Variants in C4BPA observed in about 807,000 individuals in gnomAD.
C4BPA encodes the protein complement component 4 binding protein alpha, also known as C4b-binding protein alpha chain.
A neutral mutation model predicts 63.7 loss-of-function variants in C4BPA; 31 were observed. That is an observed-to-expected ratio of 0.49 (90% CI 0.37 to 0.66). C4BPA has a LOEUF of 0.66. C4BPA is among the 30% of genes least tolerant of loss of function. The pLI, the probability that C4BPA is intolerant of heterozygous loss-of-function variation, is 0.00. For synonymous variants in C4BPA, 259 were observed against 254.7 expected (o/e 1.02, Z -0.16); for missense variants, 572 against 723.3 (o/e 0.79, Z 2.40).
intron 8 of C4BPA, among the ~76,000 whole-genome samples, chr1:207,132,004 G>C (rs1334540513): frequency 6.6e-6 from 1 of 152,186 alleles, no homozygotes; most frequent in Non-Finnish European, 1.5e-5. Context: ...TTATGTATTA[G>C]TTTTCTTACT....
Position 207,114,125 on chromosome 1 carries a change from A to T in C4BPA, c.168A>T (p.Leu56Phe). 1 of 1,613,126 alleles carries T rather than the reference A, an allele frequency of 6.2e-7. No homozygotes were observed. The highest frequency in any genetic ancestry group is 8.5e-7 in the Non-Finnish European group (1 of 1,179,500). The change falls in exon 3 of 12, where the codon TTA (leucine) becomes TTT (phenylalanine). Residue 56 changes from leucine to phenylalanine, a missense_variant. Leu to Phe is a conservative substitution (Grantham distance 22, BLOSUM62 0). This residue lies in a region of C4BPA where 107 missense variants were observed against 93.9 expected (regional missense o/e 1.14). Coordinates refer to ENST00000367070, the MANE Select transcript of C4BPA (RefSeq NM_000715.4). Reference protein sequence around the residue: ...VLGNCGPPPTLSFAAPMDITL... With the variant: ...VLGNCGPPPTFSFAAPMDITL... ...GCAATTGTGGTCCTCCACCCACTTT[A>T]TCATTTGCTGCCCCGATGGATATTA...
Position 207,144,528 on chromosome 1 carries a change from C to G in C4BPA, c.1621-16C>G. On this transcript the variant is annotated splice_polypyrimidine_tract_variant and intron_variant, in intron 11 of 11. Coordinates refer to ENST00000367070, the MANE Select transcript of C4BPA (RefSeq NM_000715.4). ...AGAGAAGCTTCTCAATCACACCCAC[C>G]ACTTATATCTTTTAGGAGACCCCCG... The G allele has an allele frequency of 6.3e-7, 1 of 1,578,644 alleles. No individual in the cohort carries two copies. The highest frequency in any genetic ancestry group is 1.2e-5 in the South Asian group (1 of 86,246).
chr1:207,139,882 T>C (rs1009353790), intron 9 of C4BPA, among the ~76,000 whole-genome samples: 4 of 152,178 alleles, frequency 2.6e-5, no homozygotes, highest in Non-Finnish European at 4.4e-5. Flanking sequence ...TAGGTTTATA[T>C]ATTGGGCAAA....
intron 1 of C4BPA, among the ~76,000 whole-genome samples, chr1:207,105,279 C>T (rs2102324379): frequency 6.6e-6 from 1 of 152,176 alleles, no homozygotes; most frequent in African/African-American, 2.4e-5. Flanking sequence ...GAGATTTGGC[C>T]AGGTACGGTG....
At chr1:207,136,913 A>G (rs1685291263) in intron 9 of C4BPA, among the ~76,000 whole-genome samples, 1 of 152,084 alleles carries the variant, frequency 6.6e-6, no homozygotes, top group Non-Finnish European at 1.5e-5. Flanking sequence ...TGAATACTAA[A>G]CTTCCCAAAG....
Position 207,144,704 on chromosome 1 carries a change from A to G in C4BPA, c.1781A>G (p.Asp594Gly). Residue 594 changes from aspartate (D) to glycine (G), a missense_variant, in exon 12 of 12, where the codon GAT becomes GGT. Around this residue, in one of 2 missense-constraint regions of C4BPA, gnomAD observed 465 missense variants for 629.4 expected, o/e 0.74. Coordinates refer to ENST00000367070, the MANE Select transcript of C4BPA (RefSeq NM_000715.4). ...QRDSARQSTLDKEL is the reference protein window; with the variant it reads ...QRDSARQSTLGKEL ...GACAGCGCAAGACAATCCACTTTGGATAAAGAACTATAATTTTTCTCAAAA... is the reference window on the plus strand; with the variant it reads ...GACAGCGCAAGACAATCCACTTTGGGTAAAGAACTATAATTTTTCTCAAAA... 8.1e-6 allele frequency: 13 copies of G among 1,601,026 alleles called. No homozygotes were observed. Among genetic ancestry groups the G allele is most frequent in the Non-Finnish European group, 1.1e-5 (13 of 1,173,988 alleles).
chr1:207,109,404 C>T (rs1684622477), intron 1 of C4BPA, among the ~76,000 whole-genome samples: 1 of 152,190 alleles, frequency 6.6e-6, no homozygotes, highest in Non-Finnish European at 1.5e-5. Context: ...TTACTATGTG[C>T]TGTCCACACA....
At chr1:207,126,014 T>C (rs946914693) in intron 6 of C4BPA, among the ~76,000 whole-genome samples, 5 of 152,010 alleles carry the variant, frequency 3.3e-5, no homozygotes, top group South Asian at 4.1e-4. Context: ...GCCTCTGCAC[T>C]ATGTAATTAC....
chr1:207,144,475 T>C, intron 11 of C4BPA, 69 bp from the exon 12 acceptor site: 1 of 1,408,556 alleles, frequency 7.1e-7, no homozygotes, highest in Non-Finnish European at 9.6e-7. Context: ...CCTTCCACTG[T>C]CAGGATCCAC....
At chr1:207,106,169 C>G (rs1684553941) in intron 1 of C4BPA, among the ~76,000 whole-genome samples, 1 of 152,128 alleles carries the variant, frequency 6.6e-6, no homozygotes, top group Admixed American at 6.5e-5. Context: ...TACTCTGTGG[C>G]CAGCTGGTTT....
intron 4 of C4BPA, among the ~76,000 whole-genome samples, chr1:207,116,906 A>G (rs1252555288): frequency 2.0e-5 from 3 of 152,180 alleles, no homozygotes; most frequent in Non-Finnish European, 4.4e-5. Flanking sequence ...TTGATATTAT[A>G]TAAAATTCAT....
At position 207,131,751 on chromosome 1, in the gene C4BPA, G is replaced by T; in HGVS notation, c.1084+11G>T. 6.3e-7 allele frequency: 1 copy of T among 1,589,748 alleles called. No homozygotes were observed. The highest frequency in any genetic ancestry group is 1.1e-5 in the South Asian group (1 of 88,482). On this transcript the variant is annotated intron_variant, in intron 8 of 11. Coordinates refer to ENST00000367070, the MANE Select transcript of C4BPA (RefSeq NM_000715.4). ...ACCAAGGATGTGAGGGTGAGTTTTTGTTTTTTAATATTTTTGTATATTAAA... is the reference window on the plus strand; with the variant it reads ...ACCAAGGATGTGAGGGTGAGTTTTTTTTTTTTAATATTTTTGTATATTAAA...
intron 1 of C4BPA, among the ~76,000 whole-genome samples, chr1:207,106,441 G>GTTTT (rs757122192): frequency 6.2e-4 from 74 of 118,442 alleles, no homozygotes; most frequent in Non-Finnish European, 8.5e-4. Flanking sequence ...CTCCGTGTAA[G>GTTTT]TTTTTTTTTT....
At chr1:207,114,969 G>C (rs1684752095) in intron 3 of C4BPA, among the ~76,000 whole-genome samples, 3 of 152,200 alleles carry the variant, frequency 2.0e-5, no homozygotes, top group Admixed American at 2.0e-4. Context: ...TATTTGCTGT[G>C]TTTTGAAGAA....
chr1:207,115,389 T>C (rs1193796991), intron 3 of C4BPA, 27 bp from the exon 4 acceptor site: 1 of 1,264,130 alleles, frequency 7.9e-7, no homozygotes, highest in South Asian at 1.3e-5. Context: ...TTGGAAGTAC[T>C]AATCATCATT....
chr1:207,137,883 G>T (rs1197689105), intron 9 of C4BPA, among the ~76,000 whole-genome samples: 8 of 152,180 alleles, frequency 5.3e-5, no homozygotes, highest in African/African-American at 1.7e-4. Flanking sequence ...CTCCCGAAGT[G>T]CTGGGGTTAC....
intron 4 of C4BPA, among the ~76,000 whole-genome samples, chr1:207,119,035 C>CA (rs77071388): frequency 6.6e-6 from 1 of 150,832 alleles, no homozygotes; most frequent in Admixed American, 6.6e-5. Context: ...CAAGGACAAA[C>CA]TGGAACCTGC....
chr1:207,114,358 T>C, intron 3 of C4BPA, 73 bp downstream of exon 3: 2 of 1,186,332 alleles, frequency 1.7e-6, no homozygotes, highest in Non-Finnish European at 2.4e-6. Flanking sequence ...CTAAATTTTC[T>C]GAATCTTTAG....
chr1:207,107,894 C>T (rs759305265), intron 1 of C4BPA, among the ~76,000 whole-genome samples: 16 of 151,996 alleles, frequency 1.1e-4, no homozygotes, highest in African/African-American at 3.1e-4. Flanking sequence ...TAGGACTTGA[C>T]GACTCTGAAT....
Sources: gnomAD v4.1 joint callset for allele counts (sites outside exome capture counted in the v4.1 genomes callset) on GRCh38, gnomAD v4.1.1 for gene constraint, gnomAD v4.1.1 regional missense constraint, MANE v1.5 for transcripts, NCBI Gene and HGNC (gene_info 2026-07-23, HGNC 2026-07-21) for gene names.